The following CCDC192 variants were observed in gnomAD, a reference collection of about 807,000 sequenced individuals.
The protein encoded by CCDC192 is coiled-coil domain containing 192.
At chr5:127,819,690 C>T (rs1749194219) in intron 5 of CCDC192, among the ~76,000 whole-genome samples, 1 of 152,074 alleles carries the variant, frequency 6.6e-6, no homozygotes, top group African/African-American at 2.4e-5. Context: ...TTATAGATTG[C>T]ACCATAGATT....
intron 5 of CCDC192, among the ~76,000 whole-genome samples, chr5:127,834,902 AT>A (rs1016524430): frequency 1.3e-5 from 2 of 152,168 alleles, no homozygotes; most frequent in African/African-American, 2.4e-5. Flanking sequence ...ATATATACAT[AT>A]TTTTTTCTTT....
intron 3 of CCDC192, among the ~76,000 whole-genome samples, chr5:127,772,681 A>G (rs189402915): frequency 2.0e-5 from 3 of 152,218 alleles, no homozygotes; most frequent in African/African-American, 4.8e-5. Flanking sequence ...GGACCTCTAT[A>G]TATTGCATAC....
At chr5:127,728,806 CAT>C (rs933766449) in intron 2 of CCDC192, among the ~76,000 whole-genome samples, 14 of 152,310 alleles carry the variant, frequency 9.2e-5, no homozygotes, top group African/African-American at 2.6e-4. Context: ...AGAACCATCT[CAT>C]GTGCAAAGAC....
chr5:127,903,331 C>T (rs1432488289), intron 6 of CCDC192, among the ~76,000 whole-genome samples: 1 of 151,958 alleles, frequency 6.6e-6, no homozygotes, highest in Admixed American at 6.6e-5. Flanking sequence ...CAACCTCTGC[C>T]TCCCAGGTTC....
At chr5:127,786,553 G>A in intron 3 of CCDC192, 2 of 670,550 alleles carry the variant, frequency 3.0e-6, no homozygotes, top group East Asian at 5.2e-5. Context: ...GTCTCTCCAA[G>A]TCACCAATGC....
intron 2 of CCDC192, among the ~76,000 whole-genome samples, chr5:127,733,406 A>G (rs186439320): frequency 6.6e-6 from 1 of 152,294 alleles, no homozygotes; most frequent in East Asian, 1.9e-4. Flanking sequence ...TGGAGTTATC[A>G]TCTCCTCCAT....
rs755442711 is a variant in CCDC192 at position 127,921,166 on chromosome 5, AAAG to A, written c.536-20013_536-20011del. 7.0e-5 allele frequency among the ~76,000 whole-genome samples: 7 copies of A among 99,396 alleles called. No individual in the cohort carries two copies. In the South Asian group the frequency reaches 9.4e-4, roughly 13 times the overall value. 65.2% of individuals were successfully genotyped at this position (99,396 alleles called of 152,430 possible). On this transcript the variant is annotated intron_variant, in intron 6 of 6. Transcript: ENST00000514853. ...GGAGAGGAAAGGAAAGGAGAAAAGA[AAAG>A]AAAAGAAAAGAAGGAAGGAAAGAGA... is the stretch of plus-strand genomic sequence containing the variant.
At chr5:127,852,477 G>T (rs1347725815) in intron 5 of CCDC192, among the ~76,000 whole-genome samples, 1 of 152,104 alleles carries the variant, frequency 6.6e-6, no homozygotes, top group Non-Finnish European at 1.5e-5. Flanking sequence ...CACTCTGAGG[G>T]GTCAGGATAG....
Position 127,868,610 on chromosome 5 carries a change from G to A in CCDC192, c.412-6928G>A, listed in dbSNP as rs758756649. ...AGAATCTGAAATGCCTTGGCCAGGT[G>A]TGATGGCTAATGCCTGTAATCCCTG... On this transcript the variant is annotated intron_variant, in intron 5 of 6. Transcript: ENST00000514853. Among the ~76,000 whole-genome samples, 26 of 152,286 alleles carry A rather than the reference G, an allele frequency of 1.7e-4. 1 individual carries two copies. Among genetic ancestry groups the A allele is most frequent in the Middle Eastern group, 3.4e-3 (1 of 294 alleles).
intron 5 of CCDC192, among the ~76,000 whole-genome samples, chr5:127,845,540 C>A (rs17164611): frequency 6.6e-6 from 1 of 151,972 alleles, no homozygotes; most frequent in East Asian, 1.9e-4. Flanking sequence ...ACAAATAAGA[C>A]AAGTGAGGCT....
At chr5:127,820,621 T>A (rs1749243142) in intron 5 of CCDC192, among the ~76,000 whole-genome samples, 1 of 152,176 alleles carries the variant, frequency 6.6e-6, no homozygotes, top group Non-Finnish European at 1.5e-5. Context: ...TTTTAAAATG[T>A]CTTCCTTCTC....
Position 127,810,461 on chromosome 5 carries a change from A to G in CCDC192, c.411+12299A>G, listed in dbSNP as rs556112106. On this transcript the variant is annotated intron_variant, in intron 5 of 6. Transcript: ENST00000514853. ...CATGAGACCACATTAATTACAAGGA[A>G]TGCTAAAAAGGGTAGTCTAGCTGTA... Among the ~76,000 whole-genome samples, 33 of 152,326 alleles carry G rather than the reference A, an allele frequency of 2.2e-4. No homozygotes were observed. In the South Asian group the frequency reaches 6.6e-3, roughly 31 times the overall value.
intron 5 of CCDC192, among the ~76,000 whole-genome samples, chr5:127,854,363 C>T (rs1427745463): frequency 1.3e-5 from 2 of 152,114 alleles, no homozygotes; most frequent in African/African-American, 2.4e-5. Flanking sequence ...TCTGCAGTTT[C>T]GGTTACCCAC....
intron 5 of CCDC192, among the ~76,000 whole-genome samples, chr5:127,856,081 A>G (rs1751077699): frequency 6.6e-6 from 1 of 152,216 alleles, no homozygotes; most frequent in Admixed American, 6.5e-5. Context: ...TCTAGGTATG[A>G]AAGTCCTAGA....
intron 6 of CCDC192, among the ~76,000 whole-genome samples, chr5:127,927,426 G>A (rs1304147851): frequency 6.6e-6 from 1 of 152,068 alleles, no homozygotes; most frequent in African/African-American, 2.4e-5. Context: ...TCCACGGGGG[G>A]TCTTGGAACT....
chr5:127,704,834 A>G lies in CCDC192; in HGVS notation c.62+1327A>G, dbSNP rs552753790. Among the ~76,000 whole-genome samples, 6 of 145,768 alleles carry G rather than the reference A, an allele frequency of 4.1e-5. No individual in the cohort carries two copies. The East Asian group carries it at 7.8e-4, about 19-fold the overall frequency. ...AGCCTGGGCGACAGAGCGAAACTCCATCTAAAATAAATAAATAAATAAATA... is the reference window on the plus strand; with the variant it reads ...AGCCTGGGCGACAGAGCGAAACTCCGTCTAAAATAAATAAATAAATAAATA... On this transcript the variant is annotated intron_variant, in intron 1 of 6. Transcript: ENST00000514853.
chr5:127,848,815 T>G (rs188327435), intron 5 of CCDC192, among the ~76,000 whole-genome samples: 65 of 152,370 alleles, frequency 4.3e-4, no homozygotes, highest in East Asian at 1.9e-4. Flanking sequence ...GAAAAGGCAG[T>G]ATCCATTATT....
At chr5:127,740,942 T>C (rs1266509773) in intron 2 of CCDC192, among the ~76,000 whole-genome samples, 1 of 152,118 alleles carries the variant, frequency 6.6e-6, no homozygotes, top group Non-Finnish European at 1.5e-5. Context: ...AAATAAATAA[T>C]CCTGTCACAC....
At chr5:127,872,349 C>T (rs1438441539) in intron 5 of CCDC192, among the ~76,000 whole-genome samples, 1 of 152,176 alleles carries the variant, frequency 6.6e-6, no homozygotes, top group African/African-American at 2.4e-5. Flanking sequence ...CTAAGGGACG[C>T]ACAGGCTTTG....
Sources: gnomAD v4.1 joint callset for allele counts (sites outside exome capture counted in the v4.1 genomes callset) on GRCh38, gnomAD v4.1.1 for gene constraint, MANE v1.5 for transcripts, NCBI Gene and HGNC (gene_info 2026-07-23, HGNC 2026-07-21) for gene names.